ROBO2: variants seen among roughly 807,000 people sequenced by gnomAD.
The protein encoded by ROBO2 is roundabout guidance receptor 2.
A neutral mutation model predicts 160.8 loss-of-function variants in ROBO2; 53 were observed. The observed-to-expected ratio is 0.33, with a 90% CI of 0.26 to 0.41. The LOEUF (loss-of-function observed/expected upper bound fraction) is 0.41. Among genes scored for constraint, ROBO2 ranks in the 10% least tolerant of loss-of-function variants. The probability of loss-of-function intolerance (pLI) is 1.00; values close to 1 mark genes in which losing one functional copy is unlikely to be tolerated. For missense variants in ROBO2, 1,577 were observed against 1,722.4 expected (o/e 0.92, Z 1.49); for synonymous variants, 664 against 611.7 (o/e 1.09, Z -1.26).
intron 2 of ROBO2, among the ~76,000 whole-genome samples, chr3:76,081,766 A>T (rs1438620279): frequency 6.6e-6 from 1 of 151,918 alleles, no homozygotes; most frequent in Admixed American, 6.6e-5. Context: ...ATGCTAAACT[A>T]TCATGGTTTT....
intron 2 of ROBO2, among the ~76,000 whole-genome samples, chr3:76,225,700 G>A (rs1704241032): frequency 6.6e-6 from 1 of 151,218 alleles, no homozygotes; most frequent in South Asian, 2.1e-4. Context: ...GATGACAGAG[G>A]GATTCCTTGT....
chr3:77,122,527 T>C (rs1447155979), intron 2 of ROBO2, among the ~76,000 whole-genome samples: 3 of 152,218 alleles, frequency 2.0e-5, no homozygotes, highest in Non-Finnish European at 4.4e-5. Flanking sequence ...TCTTCATTAA[T>C]TTTCATATTC....
At chr3:76,603,334 A>AAAAAG (rs1208567946) in intron 2 of ROBO2, among the ~76,000 whole-genome samples, 4 of 63,744 alleles carry the variant, frequency 6.3e-5, no homozygotes, top group African/African-American at 2.5e-4. Flanking sequence ...TCCATCTCCA[A>AAAAAG]AAAAAAAAAA....
At chr3:76,142,986 A>C (rs2071737839) in intron 2 of ROBO2, among the ~76,000 whole-genome samples, 1 of 151,926 alleles carries the variant, frequency 6.6e-6, no homozygotes, top group Non-Finnish European at 1.5e-5. Context: ...TTATGAAATA[A>C]ATTTTCACGT....
At chr3:76,456,376 T>C (rs1342499401) in intron 2 of ROBO2, among the ~76,000 whole-genome samples, 3 of 152,230 alleles carry the variant, frequency 2.0e-5, no homozygotes, top group African/African-American at 7.2e-5. Flanking sequence ...TTCATTCCAG[T>C]TGCATATGTT....
At chr3:77,264,616 G>A (rs2059009057) in intron 2 of ROBO2, among the ~76,000 whole-genome samples, 1 of 152,038 alleles carries the variant, frequency 6.6e-6, no homozygotes. Context: ...GATCCTTCTA[G>A]AGGAGTCAAT....
At chr3:76,117,493 T>C (rs1029346181) in intron 2 of ROBO2, among the ~76,000 whole-genome samples, 1 of 152,180 alleles carries the variant, frequency 6.6e-6, no homozygotes, top group Non-Finnish European at 1.5e-5. Context: ...TGTCTCTGTG[T>C]ATGTCAATGA....
At chr3:77,471,122 G>C (rs2083306973) in intron 2 of ROBO2, among the ~76,000 whole-genome samples, 1 of 152,106 alleles carries the variant, frequency 6.6e-6, no homozygotes, top group Admixed American at 6.5e-5. Flanking sequence ...TGCACATTGT[G>C]GTTTAGAAAT....
rs569168145 is a variant in ROBO2 at position 77,293,975 on chromosome 3, C to T, written c.389-183439C>T. ...TAAGCTGAGGCTAGATCACCCCAGA[C>T]ATAAAGTAAAATTGACGGTTAAACG... On this transcript the variant is annotated intron_variant, in intron 2 of 25. Transcript: ENST00000461745. 6.1e-4 allele frequency among the ~76,000 whole-genome samples: 86 copies of T among 141,702 alleles called. 10 individuals carry two copies. Among genetic ancestry groups the T allele is most frequent in the African/African-American group, 2.2e-3 (79 of 36,350 alleles). 93.0% of individuals were successfully genotyped at this position (141,702 alleles called of 152,430 possible). A position where few individuals can be genotyped will look rare whatever the true frequency, so the allele number is the denominator to read the frequency against.
At chr3:77,117,234 A>C (rs1416327255) in intron 2 of ROBO2, among the ~76,000 whole-genome samples, 1 of 152,234 alleles carries the variant, frequency 6.6e-6, no homozygotes, top group Non-Finnish European at 1.5e-5. Context: ...TGTGACATAT[A>C]AAAATAAAAA....
At chr3:77,291,285 AC>A (rs1241064115) in intron 2 of ROBO2, among the ~76,000 whole-genome samples, 13 of 152,056 alleles carry the variant, frequency 8.5e-5, no homozygotes, top group African/African-American at 2.9e-4. Flanking sequence ...ATCACCCCAG[AC>A]ATAAAGCAAA....
chr3:76,624,627 C>T (rs1463114754), intron 2 of ROBO2, among the ~76,000 whole-genome samples: 2 of 151,192 alleles, frequency 1.3e-5, no homozygotes, highest in African/African-American at 2.4e-5. Flanking sequence ...GGTGAAACCC[C>T]GTCTCTACTA....
In ROBO2 at chr3:76,487,210, C is replaced by A. The variant is rs917229829; in HGVS notation, c.109+549608C>A. 2.6e-5 allele frequency among the ~76,000 whole-genome samples: 4 copies of A among 151,304 alleles called. No homozygotes were observed. The Admixed American group carries it at 2.6e-4, about 10-fold the overall frequency. ...TCCCAGGCTGATCTCTAACTCCTGA[C>A]CTCAAGCGATTCTCCTGCCTCAGCC... On this transcript the variant is annotated intron_variant, in intron 2 of 26. Coordinates refer to the ROBO2 transcript ENST00000487694.
intron 21 of ROBO2, among the ~76,000 whole-genome samples, chr3:77,615,178 T>A (rs2094743797): frequency 6.6e-6 from 1 of 151,722 alleles, no homozygotes; most frequent in African/African-American, 2.4e-5. Context: ...AATTAAGAGT[T>A]TTTTTTTAAA....
intron 2 of ROBO2, among the ~76,000 whole-genome samples, chr3:76,388,764 T>G (rs1158827052): frequency 3.3e-5 from 5 of 152,128 alleles, no homozygotes; most frequent in Non-Finnish European, 7.4e-5. Flanking sequence ...TTTTTATGCG[T>G]CTTTCCATCA....
intron 2 of ROBO2, among the ~76,000 whole-genome samples, chr3:76,659,987 G>A (rs1200260039): frequency 1.3e-5 from 2 of 152,128 alleles, no homozygotes; most frequent in Non-Finnish European, 2.9e-5. Context: ...ACCTCCCTTG[G>A]TGAATTGAAG....
intron 2 of ROBO2, among the ~76,000 whole-genome samples, chr3:76,778,726 G>T (rs1370648148): frequency 6.6e-6 from 1 of 151,006 alleles, no homozygotes; most frequent in Non-Finnish European, 1.5e-5. Flanking sequence ...GCAGATTTCA[G>T]TTACCACAGT....
At chr3:76,529,492 C>A (rs996834146) in intron 2 of ROBO2, among the ~76,000 whole-genome samples, 2 of 152,000 alleles carry the variant, frequency 1.3e-5, no homozygotes, top group African/African-American at 4.8e-5. Flanking sequence ...ACAATATACA[C>A]AGATCTAAGC....
At chr3:77,165,287 T>C (rs1190187260) in intron 2 of ROBO2, among the ~76,000 whole-genome samples, 4 of 148,710 alleles carry the variant, frequency 2.7e-5, no homozygotes, top group Non-Finnish European at 6.0e-5. Flanking sequence ...CTCTGAAACA[T>C]GTGCTGTGTC....
Sources: allele counts gnomAD v4.1 joint callset (sites outside exome capture counted in the v4.1 genomes callset), GRCh38; gene constraint gnomAD v4.1.1; transcripts MANE v1.5; gene names NCBI Gene and HGNC (gene_info 2026-07-23, HGNC 2026-07-21).